The following SLC24A1 variants were observed in gnomAD, a reference collection of about 807,000 sequenced individuals.
The protein encoded by SLC24A1 is sodium/potassium/calcium exchanger 1.
In SLC24A1, 52 loss-of-function variants were observed where a neutral mutation model predicts 88.1. The observed-to-expected ratio is 0.59, with a 90% CI of 0.47 to 0.74. SLC24A1 has a LOEUF of 0.74. SLC24A1 is among the 30% of genes least tolerant of loss of function. The pLI is 0.00. For synonymous variants in SLC24A1, 455 were observed against 498.0 expected, an observed-to-expected ratio of 0.91 and a Z score of 1.15; for missense variants, 1,173 against 1,363.3, an observed-to-expected ratio of 0.86 and a Z score of 2.20.
chr15:65,622,787 G>A (rs922224513), intron 1 of SLC24A1, among the ~76,000 whole-genome samples: 5 of 151,296 alleles, frequency 3.3e-5, no homozygotes, highest in African/African-American at 1.2e-4. Context: ...TGTTGCTCAG[G>A]CTGGAGTGCA....
At chr15:65,618,054 T>A (rs2074205184), upstream of SLC24A1, among the ~76,000 whole-genome samples, 1 of 152,190 alleles carries the variant, frequency 6.6e-6, no homozygotes, top group Non-Finnish European at 1.5e-5. Flanking sequence ...GCATTTGCTT[T>A]CCTAGAAGCA....
Position 65,635,064 on chromosome 15 carries a change from A to T in SLC24A1, c.1891-3064A>T, listed in dbSNP as rs944406031. ...TTAGAAAGGTATTTTGGCTTGAATAAATCTGAATGGCAGAGAAACCATTAG... is the reference window on the plus strand; with the variant it reads ...TTAGAAAGGTATTTTGGCTTGAATATATCTGAATGGCAGAGAAACCATTAG... On this transcript the variant is annotated intron_variant, in intron 2 of 9. Transcript: ENST00000261892. Among the ~76,000 whole-genome samples, 17 of 152,178 alleles carry T rather than the reference A, an allele frequency of 1.1e-4. 1 individual carries two copies. The highest frequency in any genetic ancestry group is 4.4e-5 in the Non-Finnish European group (3 of 68,018).
At chr15:65,642,905 T>A in intron 4 of SLC24A1, 1 of 883,404 alleles carries the variant, frequency 1.1e-6, no homozygotes, top group South Asian at 1.4e-5. Context: ...CTTCTCCGTT[T>A]CCTCTCAGTC....
intron 2 of SLC24A1, among the ~76,000 whole-genome samples, chr15:65,633,036 C>T (rs1343558246): frequency 3.3e-5 from 5 of 152,178 alleles, no homozygotes; most frequent in Non-Finnish European, 7.3e-5. Flanking sequence ...ACCAGAGGGT[C>T]AGGGAAGGCT....
chr15:65,656,720 C>A (rs1003444372), downstream of SLC24A1, among the ~76,000 whole-genome samples: 1 of 152,160 alleles, frequency 6.6e-6, no homozygotes, highest in African/African-American at 2.4e-5. Flanking sequence ...ACTTCTACCC[C>A]CTTAGGCTGC....
chr15:65,631,244 G>A (rs1158096942), intron 2 of SLC24A1, among the ~76,000 whole-genome samples: 1 of 152,156 alleles, frequency 6.6e-6, no homozygotes, highest in Non-Finnish European at 1.5e-5. Context: ...GATATTCATG[G>A]TGTTCTACAA....
chr15:65,638,092 G>A (rs778472796), intron 2 of SLC24A1, 36 bp from the exon 3 acceptor site: 16 of 1,536,404 alleles, frequency 1.0e-5, no homozygotes, highest in East Asian at 2.3e-5. Context: ...TGAGGGTCTC[G>A]CCACAACATC....
chr15:65,638,829 G>A (rs529402439), intron 3 of SLC24A1, among the ~76,000 whole-genome samples: 12 of 152,248 alleles, frequency 7.9e-5, no homozygotes, highest in Non-Finnish European at 1.6e-4. Context: ...AAGGAGGGAG[G>A]AAGAAGAGAA....
intron 4 of SLC24A1, chr15:65,643,127 G>A: frequency 1.2e-6 from 1 of 809,634 alleles, no homozygotes; most frequent in South Asian, 1.4e-5. Context: ...CCATATTCAT[G>A]TATAAATTCA....
chr15:65,640,302 G>C (rs1269057498), intron 4 of SLC24A1, among the ~76,000 whole-genome samples: 1 of 152,240 alleles, frequency 6.6e-6, no homozygotes, highest in Non-Finnish European at 1.5e-5. Context: ...AGGGTGACGA[G>C]GGTAAGAGCA....
rs557941926 is a variant in SLC24A1, at chr15:65,648,254, C to T, written c.2233-2128C>T. On this transcript the variant is annotated intron_variant, in intron 6 of 9. Transcript: ENST00000261892. Reference sequence around the variant, plus strand: ...CAGCCTGGGCGACAGAGCAAGACTCCGCCTCAAAACAAAAAAAAAAGCCTT... The same window carrying T: ...CAGCCTGGGCGACAGAGCAAGACTCTGCCTCAAAACAAAAAAAAAAGCCTT... Among the ~76,000 whole-genome samples, 11 of 151,382 alleles carry T rather than the reference C, an allele frequency of 7.3e-5. No homozygotes were observed. In the South Asian group the frequency reaches 8.4e-4, roughly 12 times the overall value.
chr15:65,650,294 A>C lies in SLC24A1; in HGVS notation c.2233-88A>C. On this transcript the variant is annotated intron_variant, in intron 6 of 9. Transcript: ENST00000261892. This position sits in a 1 kb window ranked among gnomAD's most constrained non-coding sequence, Gnocchi z 4.1. The stretch of plus-strand genomic sequence containing the variant: ...CTTAAGTTTTCAGATACCTTCTGAG[A>C]AGCACGCCAACAAAAAAATGGGGGA... 1 of 1,098,394 alleles carries C rather than the reference A, an allele frequency of 9.1e-7. No individual in the cohort carries two copies. Among genetic ancestry groups the C allele is most frequent in the Non-Finnish European group, 1.3e-6 (1 of 767,264 alleles). The allele number at this position is 1,098,394 out of a possible 1,614,324, so 68.0% of individuals were successfully genotyped here. A position where few individuals can be genotyped will look rare whatever the true frequency, so the allele number is the denominator to read the frequency against.
At chr15:65,652,211 G>A (rs1485523847) in intron 8 of SLC24A1, 1 of 308,256 alleles carries the variant, frequency 3.2e-6, no homozygotes, top group Non-Finnish European at 6.2e-6. Flanking sequence ...CTAAAAGGCC[G>A]AGATTAGGGT....
intron 2 of SLC24A1, among the ~76,000 whole-genome samples, chr15:65,637,410 G>T (rs1353834493): frequency 6.6e-6 from 1 of 152,152 alleles, no homozygotes; most frequent in Non-Finnish European, 1.5e-5. Context: ...CTTCATACAA[G>T]AATTCACCCT....
chr15:65,640,505 G>C (rs2075088568), intron 4 of SLC24A1, among the ~76,000 whole-genome samples: 1 of 152,078 alleles, frequency 6.6e-6, no homozygotes, highest in African/African-American at 2.4e-5. Flanking sequence ...CCCATCTCTG[G>C]GGCTCTGGTG....
At chr15:65,620,480 A>G (rs1482484120), upstream of SLC24A1, among the ~76,000 whole-genome samples, 1 of 152,354 alleles carries the variant, frequency 6.6e-6, no homozygotes. Flanking sequence ...GTTTATAACC[A>G]CTGAGAAGTT....
Position 65,654,346 on chromosome 15 carries a change from C to A in SLC24A1, c.*267C>A. ...TATTACATGGAGGCAGTAGAAGGAC[C>A]CCTGGAGCCAGAGGGTTTTCTAAAT... On this transcript the variant is annotated 3_prime_UTR_variant, in exon 10 of 10. Coordinates refer to ENST00000261892, the MANE Select transcript of SLC24A1 (RefSeq NM_004727.3). 1 of 1,254,724 alleles carries A rather than the reference C, an allele frequency of 8.0e-7. No homozygotes were observed. The highest frequency in any genetic ancestry group is 2.2e-5 in the South Asian group (1 of 46,478). 77.7% of individuals were successfully genotyped at this position (1,254,724 alleles called of 1,614,324 possible).
intron 3 of SLC24A1, 98 bp from the exon 4 acceptor site, chr15:65,639,497 C>A: frequency 1.4e-6 from 1 of 729,402 alleles, no homozygotes. Context: ...TGCTTTCTCC[C>A]TGATCTTTAT....
chr15:65,654,857 C>T lies in SLC24A1; in HGVS notation c.*778C>T, dbSNP rs150126578. ...TCGTGATCTGCCCGCCTCGGCCTCC[C>T]AAAGTGCTGGGATTACAGGCGTCAG... On this transcript the variant is annotated 3_prime_UTR_variant, in exon 10 of 10. Transcript: ENST00000261892. The T allele has an allele frequency of 7.3e-3, 8,257 of 1,136,272 alleles. 85 individuals are homozygous for T. The highest frequency in any genetic ancestry group is 0.036 in the South Asian group (2,301 of 63,802). 70.4% of individuals were successfully genotyped at this position (1,136,272 alleles called of 1,614,324 possible).
Sources: gnomAD v4.1 joint callset for allele counts (sites outside exome capture counted in the v4.1 genomes callset) on GRCh38, gnomAD v4.1.1 for gene constraint, Gnocchi (gnomAD v3.1) non-coding constraint, MANE v1.5 for transcripts, NCBI Gene and HGNC (gene_info 2026-07-23, HGNC 2026-07-21) for gene names.